CTNNA3: variants seen among roughly 807,000 people sequenced by gnomAD.
The protein encoded by CTNNA3 is catenin alpha-3.
Under a neutral mutation model 95.7 loss-of-function variants are expected in CTNNA3, and 76 were observed. That is an observed-to-expected ratio of 0.79 (90% CI 0.66 to 0.96). The LOEUF (loss-of-function observed/expected upper bound fraction) is 0.96. Among genes scored for constraint, CTNNA3 ranks in the 40% least tolerant of loss-of-function variants. The pLI is 0.00. For missense variants in CTNNA3, 1,191 were observed against 1,089.8 expected (o/e 1.09, Z -1.31); for synonymous variants, 431 against 374.4 (o/e 1.15, Z -1.74).
chr10:65,956,644 T>C (rs910404348), intron 17 of CTNNA3, among the ~76,000 whole-genome samples: 2 of 152,232 alleles, frequency 1.3e-5, no homozygotes, highest in African/African-American at 4.8e-5. Context: ...TTTTGTTATA[T>C]ACCCAGTAGT....
At position 66,874,079 on chromosome 10, in the gene CTNNA3, A is replaced by G. The variant is rs569749780; in HGVS notation, c.1048-98555T>C. Among the ~76,000 whole-genome samples, 10 of 150,930 alleles carry G rather than the reference A, an allele frequency of 6.6e-5. No homozygotes were observed. The East Asian group carries it at 2.0e-3, about 29-fold the overall frequency. On this transcript the variant is annotated intron_variant, in intron 7 of 17. Coordinates refer to ENST00000433211, the MANE Select transcript of CTNNA3 (RefSeq NM_013266.4). ...GCCTCCTAGAATTCACATTCTAAAG[A>G]AGGTTAATAAAGCCATTTGGGAGTC...
chr10:67,243,274 A>C (rs1865784804), intron 5 of CTNNA3, among the ~76,000 whole-genome samples: 1 of 151,924 alleles, frequency 6.6e-6, no homozygotes. Context: ...CAACCCCCCC[A>C]ACCCCCACCA....
At chr10:67,416,208 A>G (rs1219651385) in intron 5 of CTNNA3, among the ~76,000 whole-genome samples, 6 of 152,140 alleles carry the variant, frequency 3.9e-5, no homozygotes, top group African/African-American at 1.2e-4. Context: ...CAAAGAGACA[A>G]CCTATAGAAT....
chr10:67,229,986 G>A (rs765566691), intron 5 of CTNNA3, among the ~76,000 whole-genome samples: 1 of 152,006 alleles, frequency 6.6e-6, no homozygotes, highest in Non-Finnish European at 1.5e-5. Context: ...AAATTCATAT[G>A]GAACCAAAAA....
At chr10:66,961,840 C>T (rs536190420) in intron 7 of CTNNA3, among the ~76,000 whole-genome samples, 10 of 152,216 alleles carry the variant, frequency 6.6e-5, no homozygotes, top group Admixed American at 3.9e-4. Flanking sequence ...CCCCACTAAA[C>T]CTATTCCTCC....
At chr10:66,506,707 AATAG>A (rs1254244031) in intron 11 of CTNNA3, among the ~76,000 whole-genome samples, 1 of 152,168 alleles carries the variant, frequency 6.6e-6, no homozygotes, top group Non-Finnish European at 1.5e-5. Context: ...TCTTGCACAT[AATAG>A]ATACTCAGTT....
intron 1 of CTNNA3, among the ~76,000 whole-genome samples, chr10:67,710,599 G>C (rs916046463): frequency 6.6e-6 from 1 of 152,172 alleles, no homozygotes; most frequent in African/African-American, 2.4e-5. Flanking sequence ...GTGGTAGATA[G>C]AAACAATTCA....
intron 15 of CTNNA3, among the ~76,000 whole-genome samples, chr10:66,056,364 C>T (rs2080087707): frequency 6.6e-6 from 1 of 152,118 alleles, no homozygotes; most frequent in African/African-American, 2.4e-5. Flanking sequence ...ACCACTGTTG[C>T]ATTTCTGGAA....
chr10:66,882,821 G>T (rs186636419), intron 7 of CTNNA3, among the ~76,000 whole-genome samples: 1 of 152,196 alleles, frequency 6.6e-6, no homozygotes, highest in East Asian at 1.9e-4. Flanking sequence ...GGAAACATAG[G>T]ATGTAAATAA....
chr10:66,373,089 T>C (rs934223398), intron 12 of CTNNA3, among the ~76,000 whole-genome samples: 1 of 152,162 alleles, frequency 6.6e-6, no homozygotes, highest in Non-Finnish European at 1.5e-5. Flanking sequence ...GAATATATTA[T>C]TTTTTAAAAA....
chr10:66,859,581 G>C (rs1843823011), intron 7 of CTNNA3, among the ~76,000 whole-genome samples: 2 of 150,534 alleles, frequency 1.3e-5, no homozygotes, highest in Admixed American at 6.6e-5. Flanking sequence ...CTGTAAACTA[G>C]TTCAACCATT....
intron 12 of CTNNA3, among the ~76,000 whole-genome samples, chr10:66,339,643 A>T (rs2092433158): frequency 1.3e-5 from 2 of 151,800 alleles, no homozygotes; most frequent in Admixed American, 6.6e-5. Flanking sequence ...AGGGTTACAG[A>T]TAGTTCCTGC....
intron 9 of CTNNA3, among the ~76,000 whole-genome samples, chr10:66,693,683 T>C (rs1360971612): frequency 6.6e-6 from 1 of 152,024 alleles, no homozygotes; most frequent in East Asian, 1.9e-4. Context: ...ACACCACACC[T>C]ATTCCAAAAT....
At chr10:66,254,806 C>T (rs4746566) in intron 13 of CTNNA3, among the ~76,000 whole-genome samples, 26,609 of 152,168 alleles carry the variant, frequency 0.17, 2,571 homozygotes, top group Admixed American at 0.26. Flanking sequence ...GATCCTGAAG[C>T]CCTAGAGAAG....
intron 5 of CTNNA3, among the ~76,000 whole-genome samples, chr10:67,504,987 T>TA (rs1839387778): frequency 6.6e-6 from 1 of 152,238 alleles, no homozygotes. Context: ...CCAATCTTAA[T>TA]ATATGGTATA....
intron 4 of CTNNA3, among the ~76,000 whole-genome samples, chr10:67,531,473 T>C (rs1444258869): frequency 6.6e-6 from 1 of 152,228 alleles, no homozygotes; most frequent in Non-Finnish European, 1.5e-5. Flanking sequence ...TGGACTTACA[T>C]GGGGCCTGTA....
intron 5 of CTNNA3, among the ~76,000 whole-genome samples, chr10:67,357,830 A>T (rs1015677443): frequency 3.3e-5 from 5 of 152,092 alleles, no homozygotes; most frequent in Non-Finnish European, 5.9e-5. Context: ...GAGCCAAAAC[A>T]ATGCTAAAAA....
chr10:65,955,455 T>C (rs1589169884), intron 17 of CTNNA3, among the ~76,000 whole-genome samples: 1 of 152,222 alleles, frequency 6.6e-6, no homozygotes, highest in African/African-American at 2.4e-5. Context: ...AAGGCATCCC[T>C]GTCTTGCGCC....
chr10:66,850,138 T>C (rs1843431472), intron 7 of CTNNA3, among the ~76,000 whole-genome samples: 1 of 152,038 alleles, frequency 6.6e-6, no homozygotes, highest in East Asian at 1.9e-4. Flanking sequence ...AACAACAATA[T>C]AGGGGAAGAA....
Sources: gnomAD v4.1 joint callset for allele counts (sites outside exome capture counted in the v4.1 genomes callset) on GRCh38, gnomAD v4.1.1 for gene constraint, MANE v1.5 for transcripts, NCBI Gene and HGNC (gene_info 2026-07-23, HGNC 2026-07-21) for gene names.